Variants in MACROD2 observed in about 807,000 individuals in gnomAD.
MACROD2 encodes ADP-ribose glycohydrolase MACROD2.
MACROD2 carries 36 observed loss-of-function variants against 70.4 expected under a neutral mutation model. The observed-to-expected ratio is 0.51, with a 90% CI of 0.39 to 0.68. MACROD2 has a LOEUF of 0.68. Ranked by LOEUF, MACROD2 falls within the 30% of genes least tolerant of loss-of-function variation. The probability of loss-of-function intolerance (pLI) is 0.00; values close to 1 mark genes in which losing one functional copy is unlikely to be tolerated. For missense variants in MACROD2, 496 were observed against 538.4 expected (o/e 0.92, Z 0.78); for synonymous variants, 172 against 178.8 (o/e 0.96, Z 0.30).
chr20:15,753,885 A>C (rs1056983106), intron 8 of MACROD2, among the ~76,000 whole-genome samples: 5 of 152,220 alleles, frequency 3.3e-5, no homozygotes, highest in African/African-American at 1.2e-4. Flanking sequence ...TGTAATAAAT[A>C]AACACTTGCA....
At chr20:14,853,053 C>G (rs565647255) in intron 5 of MACROD2, among the ~76,000 whole-genome samples, 1 of 152,034 alleles carries the variant, frequency 6.6e-6, no homozygotes, top group African/African-American at 2.4e-5. Flanking sequence ...TTACATATCA[C>G]GCTTGGCACT....
intron 8 of MACROD2, among the ~76,000 whole-genome samples, chr20:15,679,875 T>C (rs1484110659): frequency 6.6e-6 from 1 of 152,210 alleles, no homozygotes; most frequent in Non-Finnish European, 1.5e-5. Flanking sequence ...CCTGCAGAAA[T>C]GTGAGAAAAT....
intron 3 of MACROD2, among the ~76,000 whole-genome samples, chr20:14,097,382 C>T (rs1028265589): frequency 4.6e-5 from 7 of 152,050 alleles, no homozygotes; most frequent in African/African-American, 1.2e-4. Flanking sequence ...TTATGAAAAA[C>T]GAATGATAAC....
At position 16,010,452 on chromosome 20, in the gene MACROD2, T is replaced by C. The variant is rs182866803; in HGVS notation, c.1153+23294T>C. Among the ~76,000 whole-genome samples, 179 of 152,358 alleles carry C rather than the reference T, an allele frequency of 1.2e-3. 2 individuals carry two copies. The highest frequency in any genetic ancestry group is 4.1e-3 in the African/African-American group (170 of 41,590). ...TAGTACTTTGTCTCCTACCATTTTA[T>C]CTTATTGTCCCTCTAGAATTTATAT... On this transcript the variant is annotated intron_variant, in intron 15 of 17. Transcript: ENST00000684519.
chr20:14,638,027 G>T (rs1425715535), intron 4 of MACROD2, among the ~76,000 whole-genome samples: 1 of 151,332 alleles, frequency 6.6e-6, no homozygotes, highest in African/African-American at 2.4e-5. Context: ...TTTTCTTTCT[G>T]GGTTTTTTTT....
chr20:15,450,381 C>A (rs1263500722), intron 7 of MACROD2, among the ~76,000 whole-genome samples: 1 of 151,878 alleles, frequency 6.6e-6, no homozygotes, highest in African/African-American at 2.4e-5. Flanking sequence ...CCATTTCTTT[C>A]CCAAATGATA....
chr20:15,208,396 C>G (rs780777640), intron 5 of MACROD2, among the ~76,000 whole-genome samples: 1 of 152,134 alleles, frequency 6.6e-6, no homozygotes, highest in Non-Finnish European at 1.5e-5. Context: ...AGTTTTAACA[C>G]CTGTGTCATC....
intron 3 of MACROD2, among the ~76,000 whole-genome samples, chr20:14,459,266 G>C (rs1001971932): frequency 2.0e-5 from 3 of 151,942 alleles, no homozygotes; most frequent in Admixed American, 2.0e-4. Flanking sequence ...GCAATAAAAA[G>C]GGACTTTAAA....
intron 4 of MACROD2, among the ~76,000 whole-genome samples, chr20:14,569,423 G>A (rs962996503): frequency 2.0e-5 from 3 of 151,916 alleles, no homozygotes; most frequent in Admixed American, 1.3e-4. Context: ...ATGAATTTTT[G>A]TGGGTAGAAT....
At chr20:15,786,818 A>T (rs959711355) in intron 8 of MACROD2, among the ~76,000 whole-genome samples, 3 of 152,250 alleles carry the variant, frequency 2.0e-5, no homozygotes, top group African/African-American at 7.2e-5. Context: ...GATTATAGTT[A>T]TAAATAGAAT....
intron 15 of MACROD2, 98 bp from the exon 16 acceptor site, chr20:16,041,103 T>G: frequency 1.0e-6 from 1 of 1,003,028 alleles, no homozygotes; most frequent in East Asian, 2.6e-5. Context: ...AGGAGTATTT[T>G]TGAATTTAAA....
chr20:15,693,597 A>G (rs1040504464), intron 8 of MACROD2, among the ~76,000 whole-genome samples: 2 of 152,206 alleles, frequency 1.3e-5, no homozygotes, highest in African/African-American at 4.8e-5. Flanking sequence ...AAATGGAGAA[A>G]ACTGAGTAAA....
At chr20:15,080,298 C>G (rs997998685) in intron 5 of MACROD2, among the ~76,000 whole-genome samples, 1 of 152,114 alleles carries the variant, frequency 6.6e-6, no homozygotes, top group African/African-American at 2.4e-5. Context: ...CTGCAAAACA[C>G]ACTTGTTAAA....
At chr20:15,316,594 C>T (rs1161337286) in intron 6 of MACROD2, among the ~76,000 whole-genome samples, 1 of 152,010 alleles carries the variant, frequency 6.6e-6, no homozygotes. Flanking sequence ...TCTACAGTAA[C>T]TATTAGAGAT....
At chr20:14,706,747 A>C (rs2071274748) in intron 5 of MACROD2, among the ~76,000 whole-genome samples, 1 of 151,880 alleles carries the variant, frequency 6.6e-6, no homozygotes, top group Non-Finnish European at 1.5e-5. Context: ...CATTTCCAGG[A>C]TTCATCACAG....
At chr20:14,912,282 A>G (rs2074037339) in intron 5 of MACROD2, among the ~76,000 whole-genome samples, 1 of 152,182 alleles carries the variant, frequency 6.6e-6, no homozygotes, top group African/African-American at 2.4e-5. Flanking sequence ...AATACTTCAA[A>G]TACAGCAAAC....
intron 7 of MACROD2, among the ~76,000 whole-genome samples, chr20:15,497,288 CCTCCTT>C (rs1024563317): frequency 1.3e-5 from 2 of 151,756 alleles, no homozygotes; most frequent in African/African-American, 4.9e-5. Context: ...CCCATCCTGG[CCTCCTT>C]CTCCTTCTTT....
At chr20:14,835,988 G>A (rs910853701) in intron 5 of MACROD2, among the ~76,000 whole-genome samples, 3 of 152,084 alleles carry the variant, frequency 2.0e-5, no homozygotes, top group East Asian at 1.9e-4. Context: ...ATTTTACCAC[G>A]TCCTTTTTGA....
At chr20:15,076,137 G>A (rs2075656570) in intron 5 of MACROD2, among the ~76,000 whole-genome samples, 1 of 152,012 alleles carries the variant, frequency 6.6e-6, no homozygotes, top group South Asian at 2.1e-4. Flanking sequence ...TTATGATACT[G>A]CCTATACAAT....
Sources: gnomAD v4.1 joint callset for allele counts (sites outside exome capture counted in the v4.1 genomes callset) on GRCh38, gnomAD v4.1.1 for gene constraint, MANE v1.5 for transcripts, NCBI Gene and HGNC (gene_info 2026-07-23, HGNC 2026-07-21) for gene names.